The following ALK variants were observed in gnomAD, a reference collection of about 807,000 sequenced individuals.
ALK encodes ALK tyrosine kinase receptor.
In ALK, 74 loss-of-function variants were observed where a neutral mutation model predicts 163.1. The ratio of observed to expected loss-of-function variants is 0.45; its 90% CI spans 0.38 to 0.55. The LOEUF is 0.55. ALK is among the 20% of genes least tolerant of loss of function. The pLI is 0.00. For synonymous variants in ALK, 960 were observed against 843.2 expected (o/e 1.14, Z -2.40); for missense variants, 2,063 against 2,105.3 (o/e 0.98, Z 0.39).
At chr2:29,723,941 A>G (rs1679491902) in intron 1 of ALK, among the ~76,000 whole-genome samples, 1 of 152,204 alleles carries the variant, frequency 6.6e-6, no homozygotes, top group South Asian at 2.1e-4. Context: ...AACTTTGCCA[A>G]ATGTACATGA....
chr2:29,481,742 T>C (rs1671663620), intron 4 of ALK, among the ~76,000 whole-genome samples: 1 of 152,212 alleles, frequency 6.6e-6, no homozygotes, highest in South Asian at 2.1e-4. Flanking sequence ...CCAGCTGTCA[T>C]TTTTCTCTTT....
intron 9 of ALK, among the ~76,000 whole-genome samples, chr2:29,281,630 T>G (rs1325153505): frequency 6.6e-6 from 1 of 152,212 alleles, no homozygotes; most frequent in African/African-American, 2.4e-5. Context: ...GCTAGAGATC[T>G]TGGTTGGAGG....
chr2:29,274,340 G>A (rs942660332), intron 11 of ALK, among the ~76,000 whole-genome samples: 14 of 152,346 alleles, frequency 9.2e-5, no homozygotes, highest in Admixed American at 5.9e-4. Flanking sequence ...AAAAGAGTGT[G>A]GGTAGACTGT....
chr2:29,700,175 G>A (rs1678690319), intron 2 of ALK, among the ~76,000 whole-genome samples: 1 of 152,176 alleles, frequency 6.6e-6, no homozygotes, highest in African/African-American at 2.4e-5. Flanking sequence ...CATCCCAAGA[G>A]GCAGATTTCC....
chr2:29,557,387 G>T (rs1196466541), intron 3 of ALK, among the ~76,000 whole-genome samples: 1 of 152,182 alleles, frequency 6.6e-6, no homozygotes, highest in African/African-American at 2.4e-5. Context: ...CTTAGAGAAC[G>T]ATTTCTGAAA....
intron 1 of ALK, among the ~76,000 whole-genome samples, chr2:29,864,367 G>C (rs547349926): frequency 2.0e-5 from 3 of 152,128 alleles, no homozygotes; most frequent in Non-Finnish European, 4.4e-5. Flanking sequence ...TTTGAGTCTT[G>C]GCAGAGCAGT....
intron 2 of ALK, among the ~76,000 whole-genome samples, chr2:29,708,603 G>A (rs1450575728): frequency 6.6e-6 from 1 of 152,150 alleles, no homozygotes; most frequent in African/African-American, 2.4e-5. Flanking sequence ...GAAACCCAAG[G>A]TATTCAAGGG....
chr2:29,855,523 C>T (rs558161450), intron 1 of ALK, among the ~76,000 whole-genome samples: 44 of 152,270 alleles, frequency 2.9e-4, no homozygotes, highest in African/African-American at 1.0e-3. Context: ...TAGGCCTATA[C>T]ATAACCTTTA....
At chr2:29,300,094 T>C (rs1023197183) in intron 8 of ALK, among the ~76,000 whole-genome samples, 2 of 152,124 alleles carry the variant, frequency 1.3e-5, no homozygotes, top group African/African-American at 4.8e-5. Context: ...TGCATGAGTG[T>C]TGCATATGGG....
chr2:29,595,722 G>C (rs1348819605), intron 3 of ALK, among the ~76,000 whole-genome samples: 1 of 152,162 alleles, frequency 6.6e-6, no homozygotes, highest in Non-Finnish European at 1.5e-5. Flanking sequence ...GGAAGACGGA[G>C]AGAGAAAACA....
At chr2:29,460,817 T>C (rs1342128375) in intron 4 of ALK, among the ~76,000 whole-genome samples, 1 of 152,114 alleles carries the variant, frequency 6.6e-6, no homozygotes, top group Non-Finnish European at 1.5e-5. Context: ...AAAGGAAGCG[T>C]CATATGTCTT....
intron 3 of ALK, among the ~76,000 whole-genome samples, chr2:29,624,495 T>C (rs1206635070): frequency 6.6e-6 from 1 of 151,960 alleles, no homozygotes; most frequent in East Asian, 1.9e-4. Flanking sequence ...GGGTGGAGCT[T>C]GGTTTGGAGG....
intron 4 of ALK, among the ~76,000 whole-genome samples, chr2:29,491,509 T>C (rs1671901604): frequency 6.6e-6 from 1 of 152,200 alleles, no homozygotes; most frequent in Admixed American, 6.5e-5. Flanking sequence ...GTAAGTTCAG[T>C]TCCCTGATCT....
intron 4 of ALK, among the ~76,000 whole-genome samples, chr2:29,425,662 A>G (rs1052945011): frequency 2.0e-5 from 3 of 152,162 alleles, no homozygotes; most frequent in Non-Finnish European, 4.4e-5. Flanking sequence ...GTGGGCCACA[A>G]TCTCTTGCTC....
chr2:29,494,772 G>A (rs1346059798), intron 4 of ALK, among the ~76,000 whole-genome samples: 1 of 152,014 alleles, frequency 6.6e-6, no homozygotes, highest in African/African-American at 2.4e-5. Flanking sequence ...CTCAAGGTTG[G>A]AGTCCCAGGA....
chr2:29,228,557 C>A (rs970582999), intron 16 of ALK, among the ~76,000 whole-genome samples: 1 of 152,146 alleles, frequency 6.6e-6, no homozygotes, highest in Non-Finnish European at 1.5e-5. Flanking sequence ...CTTGGCCAGG[C>A]CATCCAAGGG....
chr2:29,491,044 G>A (rs1253362872), intron 4 of ALK, among the ~76,000 whole-genome samples: 4 of 152,182 alleles, frequency 2.6e-5, no homozygotes, highest in Admixed American at 2.6e-4. Context: ...CATGTTCATA[G>A]GCCCCTCAAT....
In ALK at chr2:29,497,529, C is replaced by T. The variant is rs533617116; in HGVS notation, c.1154+34386G>A. On this transcript the variant is annotated intron_variant, in intron 4 of 28. Transcript: ENST00000389048. ...ATCCCCACTGACCTCAGCTCACTCTCTTTCCTCCTCTCCTCTCTAAACTCC... is the reference window on the plus strand; with the variant it reads ...ATCCCCACTGACCTCAGCTCACTCTTTTTCCTCCTCTCCTCTCTAAACTCC... Among the ~76,000 whole-genome samples the T allele has an allele frequency of 3.9e-5, 6 of 152,326 alleles. No homozygotes were observed. In the South Asian group the frequency reaches 1.2e-3, roughly 32 times the overall value.
chr2:29,490,726 A>G (rs1671881233), intron 4 of ALK, among the ~76,000 whole-genome samples: 1 of 152,256 alleles, frequency 6.6e-6, no homozygotes, highest in South Asian at 2.1e-4. Context: ...GTAAAACTAC[A>G]AAGGAAACCA....
Sources: gnomAD v4.1 joint callset for allele counts (sites outside exome capture counted in the v4.1 genomes callset) on GRCh38, gnomAD v4.1.1 for gene constraint, MANE v1.5 for transcripts, NCBI Gene and HGNC (gene_info 2026-07-23, HGNC 2026-07-21) for gene names.